The following RGS12 variants were observed in gnomAD, a reference collection of about 807,000 sequenced individuals.
RGS12 encodes the protein regulator of G protein signaling 12.
A neutral mutation model predicts 120.1 loss-of-function variants in RGS12; 66 were observed. The ratio of observed to expected loss-of-function variants is 0.55; its 90% CI spans 0.45 to 0.67. The LOEUF (loss-of-function observed/expected upper bound fraction) is 0.67, where lower values mean the gene tolerates loss of function less well. Among genes scored for constraint, RGS12 ranks in the 30% least tolerant of loss-of-function variants. RGS12 has a pLI of 0.00. For missense variants in RGS12, 1,859 were observed against 1,957.7 expected, an observed-to-expected ratio of 0.95 and a Z score of 0.95; for synonymous variants, 827 against 804.7, an observed-to-expected ratio of 1.03 and a Z score of -0.47.
intron 3 of RGS12, among the ~76,000 whole-genome samples, chr4:3,379,647 A>C (rs1386089187): frequency 6.6e-6 from 1 of 152,214 alleles, no homozygotes; most frequent in African/African-American, 2.4e-5. Context: ...TCATGATAGA[A>C]GGGGAAGCAA....
Position 3,316,111 on chromosome 4 carries a change from C to T in RGS12, c.-60C>T. On this transcript the variant is annotated 5_prime_UTR_variant, in exon 2 of 18. Coordinates refer to ENST00000336727, the MANE Select transcript of RGS12 (RefSeq NM_001394154.1). Reference sequence around the variant, plus strand: ...GCAAACATGGTAGCATCAAGCATTCCTTGAAATATGGCTCCAAGGGAACAA... The same window carrying T: ...GCAAACATGGTAGCATCAAGCATTCTTTGAAATATGGCTCCAAGGGAACAA... The T allele has an allele frequency of 6.7e-7, 1 of 1,488,900 alleles. No individual in the cohort carries two copies. 92.2% of individuals were successfully genotyped at this position (1,488,900 alleles called of 1,614,324 possible).
intron 17 of RGS12, among the ~76,000 whole-genome samples, chr4:3,434,175 C>G (rs1270558324): frequency 6.6e-6 from 1 of 152,188 alleles, no homozygotes; most frequent in East Asian, 1.9e-4. Flanking sequence ...GCAGAAGGCA[C>G]CTCTTCACAG....
At position 3,389,410 on chromosome 4, in the gene RGS12, C is replaced by G. The variant is rs1006440783; in HGVS notation, c.2020+2973C>G. ...ATGGTCTGCCTTGTGGGAAGTTATTCAGACAGAAGTGTGAGGTCGAGCTGG... is the reference window on the plus strand; with the variant it reads ...ATGGTCTGCCTTGTGGGAAGTTATTGAGACAGAAGTGTGAGGTCGAGCTGG... On this transcript the variant is annotated intron_variant, in intron 4 of 17. Coordinates refer to ENST00000336727, the MANE Select transcript of RGS12 (RefSeq NM_001394154.1). The surrounding 1 kb of genome is among the most constrained non-coding windows in gnomAD (Gnocchi z 5.2). 3.3e-5 allele frequency among the ~76,000 whole-genome samples: 5 copies of G among 152,094 alleles called. No homozygotes were observed. Among genetic ancestry groups the G allele is most frequent in the African/African-American group, 9.7e-5 (4 of 41,420 alleles).
chr4:3,401,806 G>A (rs1560148953), intron 4 of RGS12, among the ~76,000 whole-genome samples: 1 of 152,264 alleles, frequency 6.6e-6, no homozygotes, highest in East Asian at 1.9e-4. Flanking sequence ...CTCATTTACC[G>A]CATGCTCACC....
At chr4:3,363,120 C>T (rs1014261366) in intron 3 of RGS12, among the ~76,000 whole-genome samples, 11 of 123,572 alleles carry the variant, frequency 8.9e-5, no homozygotes, top group Admixed American at 3.2e-4. Flanking sequence ...TGTGAGAGTG[C>T]GCATCAGTGA....
At position 3,433,965 on chromosome 4, in the gene RGS12, G is replaced by A. The variant is rs1000624014; in HGVS notation, c.4114+3010G>A. Among the ~76,000 whole-genome samples, 8 of 152,250 alleles carry A rather than the reference G, an allele frequency of 5.3e-5. No homozygotes were observed. The highest frequency in any genetic ancestry group is 1.7e-4 in the African/African-American group (7 of 41,464). ...GACACACACAACAGAGGCCTCAAGCGGGAGAAGTGTCAGGCCCCTCGTGAG... is the reference window on the plus strand; with the variant it reads ...GACACACACAACAGAGGCCTCAAGCAGGAGAAGTGTCAGGCCCCTCGTGAG... On this transcript the variant is annotated intron_variant, in intron 17 of 17. Coordinates refer to ENST00000336727, the MANE Select transcript of RGS12 (RefSeq NM_001394154.1). The surrounding 1 kb of genome is among the most constrained non-coding windows in gnomAD (Gnocchi z 4.4).
intron 2 of RGS12, among the ~76,000 whole-genome samples, chr4:3,336,098 C>T (rs1712429814): frequency 6.6e-6 from 1 of 152,060 alleles, no homozygotes; most frequent in South Asian, 2.1e-4. Flanking sequence ...TCTCAACAAA[C>T]AAGCAGGCAA....
At chr4:3,417,966 C>T in intron 9 of RGS12, 1 of 165,068 alleles carries the variant, frequency 6.1e-6, no homozygotes, top group East Asian at 1.8e-4. Context: ...GCTTGGTTCT[C>T]TGCCAGGGCT....
intron 3 of RGS12, 160 bp downstream of exon 3, chr4:3,343,213 A>G (rs75746511): frequency 0.044 from 26,298 of 592,552 alleles, 1,275 homozygotes; most frequent in African/African-American, 0.19. Context: ...TCCCATGCAC[A>G]TTTGGGAACC....
At chr4:3,319,673 G>A (rs1725047018) in intron 2 of RGS12, among the ~76,000 whole-genome samples, 1 of 152,224 alleles carries the variant, frequency 6.6e-6, no homozygotes, top group Admixed American at 6.5e-5. Flanking sequence ...TTGAATTCCT[G>A]AGCTCAAGCG....
chr4:3,398,957 A>G (rs868509246), intron 4 of RGS12, among the ~76,000 whole-genome samples: 3 of 152,248 alleles, frequency 2.0e-5, no homozygotes, highest in Non-Finnish European at 1.5e-5. Context: ...ACAGCAGTGT[A>G]TTTGAATAGA....
At position 3,317,095 on chromosome 4, in the gene RGS12, C is replaced by A. The variant is rs370776178; in HGVS notation, c.925C>A (p.Arg309=). Residue 309 remains arginine, a synonymous_variant, in exon 2 of 18, where the codon CGG becomes AGG. Coordinates refer to ENST00000336727, the MANE Select transcript of RGS12 (RefSeq NM_001394154.1). ...LAFSAVCPDD[R]RFFGLVTMQT... The stretch of plus-strand genomic sequence containing the variant: ...CTTCAGCGCCGTGTGCCCGGACGAC[C>A]GGCGATTTTTCGGGTTGGTTACCAT... 6.2e-7 allele frequency: 1 copy of A among 1,613,734 alleles called. No homozygotes were observed. The highest frequency in any genetic ancestry group is 1.3e-5 in the African/African-American group (1 of 75,062).
chr4:3,408,495 G>A (rs971495081), intron 4 of RGS12, among the ~76,000 whole-genome samples: 2 of 152,200 alleles, frequency 1.3e-5, no homozygotes. Context: ...AGATGGAATC[G>A]TAAAAATTCA....
At chr4:3,428,418 T>G in intron 15 of RGS12, 140 bp from the exon 16 acceptor site, 2 of 815,186 alleles carry the variant, frequency 2.5e-6, no homozygotes, top group Non-Finnish European at 3.9e-6. Context: ...ATCCTTATCA[T>G]TGCAATGGTT....
rs751958101 is a variant in RGS12, at chr4:3,317,392, G to A, written c.1222G>A (p.Gly408Arg). The change falls in exon 2 of 18, where the codon GGG becomes AGG. Residue 408 changes from glycine to arginine, a missense_variant. Physicochemically the swap from Gly to Arg is moderately radical, Grantham distance 125. Around this residue, in one of 3 missense-constraint regions of RGS12, gnomAD observed 967 missense variants for 994.2 expected, o/e 0.97. Transcript: ENST00000336727. Reference sequence around the variant, plus strand: ...CATGCGGGCCCGCGCCTTTCTGGACGGGGACGCCGATGCCCACCAGAACAA... The same window carrying A: ...CATGCGGGCCCGCGCCTTTCTGGACAGGGACGCCGATGCCCACCAGAACAA... ...EGMRARAFLDGDADAHQNNST... is the reference protein window; with the variant it reads ...EGMRARAFLDRDADAHQNNST... The A allele has an allele frequency of 1.4e-5, 23 of 1,613,960 alleles. No homozygotes were observed. In the South Asian group the frequency reaches 1.9e-4, roughly 13 times the overall value.
intron 1 of RGS12, among the ~76,000 whole-genome samples, chr4:3,301,207 C>G (rs1723668466): frequency 6.6e-6 from 1 of 152,086 alleles, no homozygotes; most frequent in Admixed American, 6.5e-5. Flanking sequence ...CTGCCCTCCT[C>G]TGTTACATGG....
Position 3,317,534 on chromosome 4 carries a change from G to T in RGS12, c.1364G>T (p.Ser455Ile). 1 of 1,611,206 alleles carries T rather than the reference G, an allele frequency of 6.2e-7. No individual in the cohort carries two copies. Among genetic ancestry groups the T allele is most frequent in the South Asian group, 1.1e-5 (1 of 91,046 alleles). The change falls in exon 2 of 18, where the codon AGC becomes ATC. Residue 455 changes from serine to isoleucine, a missense_variant. By Grantham distance (142) the Ser-to-Ile change is moderately radical. Around this residue, in one of 3 missense-constraint regions of RGS12, gnomAD observed 967 missense variants for 994.2 expected, o/e 0.97. Transcript: ENST00000336727. The part of the protein sequence containing the change: ...GSSSRHGPGG[S>I]AWDGVGGRGA... ...TCGAGCAGACACGGCCCCGGAGGCA[G>T]CGCGTGGGACGGTGTGGGTGGGAGG...
At chr4:3,436,315 C>A (rs373915963) in intron 17 of RGS12, among the ~76,000 whole-genome samples, 24 of 152,334 alleles carry the variant, frequency 1.6e-4, no homozygotes, top group Middle Eastern at 3.4e-3. Flanking sequence ...CTCGCTCCCC[C>A]CTTCCTGCCG....
intron 3 of RGS12, among the ~76,000 whole-genome samples, chr4:3,371,997 G>T (rs1431159393): frequency 6.6e-6 from 1 of 152,176 alleles, no homozygotes; most frequent in Non-Finnish European, 1.5e-5. Context: ...TGGCTGGCCA[G>T]ATCAGTCGAT....
Sources: allele counts gnomAD v4.1 joint callset (sites outside exome capture counted in the v4.1 genomes callset), GRCh38; gene constraint gnomAD v4.1.1; regional missense constraint gnomAD v4.1.1; non-coding constraint Gnocchi (gnomAD v3.1); transcripts MANE v1.5; gene names NCBI Gene and HGNC (gene_info 2026-07-23, HGNC 2026-07-21).